Variants in PIP5K1B observed in about 807,000 individuals in gnomAD.
The protein encoded by PIP5K1B is phosphatidylinositol-4-phosphate 5-kinase type 1 beta.
Under a neutral mutation model 67.0 loss-of-function variants are expected in PIP5K1B, and 42 were observed. That is an observed-to-expected ratio of 0.63 (90% confidence interval 0.49 to 0.81). The LOEUF (loss-of-function observed/expected upper bound fraction) is 0.81, where lower values mean the gene tolerates loss of function less well. Among genes scored for constraint, PIP5K1B ranks in the 30% least tolerant of loss-of-function variants. PIP5K1B has a pLI of 0.00. For missense variants in PIP5K1B, 459 were observed against 646.3 expected (o/e 0.71, Z 3.14); for synonymous variants, 214 against 231.4 (o/e 0.92, Z 0.68).
intron 6 of PIP5K1B, among the ~76,000 whole-genome samples, chr9:68,878,011 T>TTGTGTGTG (rs1359052088): frequency 1.1e-5 from 1 of 90,714 alleles, no homozygotes; most frequent in Non-Finnish European, 2.5e-5. Context: ...CACGCATTTG[T>TTGTGTGTG]TCTGTGTGTG....
chr9:68,949,379 C>A (rs182606725), intron 14 of PIP5K1B, among the ~76,000 whole-genome samples: 2 of 152,306 alleles, frequency 1.3e-5, no homozygotes, highest in East Asian at 1.9e-4. Flanking sequence ...GAAATTCTTA[C>A]CCACACTAGG....
chr9:68,786,353 G>A lies in PIP5K1B; in HGVS notation c.-85-32108G>A, dbSNP rs184206054. On this transcript the variant is annotated intron_variant, in intron 2 of 15. Transcript: ENST00000265382. ...TAAAATCCTCATGACAACCCTGTGA[G>A]GCAGGTGCTATGGATTCCCATTGAA... Among the ~76,000 whole-genome samples the A allele has an allele frequency of 2.6e-5, 4 of 152,288 alleles. No homozygotes were observed. In the East Asian group the frequency reaches 5.8e-4, roughly 22 times the overall value.
intron 2 of PIP5K1B, among the ~76,000 whole-genome samples, chr9:68,795,150 T>TGAGA (rs143940186): frequency 8.0e-5 from 12 of 150,196 alleles, no homozygotes; most frequent in African/African-American, 2.9e-4. Context: ...TGTGTGTGTG[T>TGAGA]GAGAGAGAGA....
chr9:68,803,485 C>T (rs1832713283), intron 2 of PIP5K1B, among the ~76,000 whole-genome samples: 2 of 152,156 alleles, frequency 1.3e-5, no homozygotes, highest in Admixed American at 1.3e-4. Flanking sequence ...AAAAAGTGTT[C>T]AGAGAAGTGG....
At chr9:68,854,504 T>C (rs927033434) in intron 4 of PIP5K1B, among the ~76,000 whole-genome samples, 3 of 152,012 alleles carry the variant, frequency 2.0e-5, no homozygotes, top group Admixed American at 2.0e-4. Flanking sequence ...AGAAGAAAAA[T>C]CTAACCCCAG....
chr9:68,864,039 C>A, intron 5 of PIP5K1B, 72 bp downstream of exon 5: 4 of 1,417,244 alleles, frequency 2.8e-6, no homozygotes, highest in Non-Finnish European at 3.0e-6. Flanking sequence ...TATTGAAGGG[C>A]TTTTCTACTA....
chr9:68,745,662 C>A (rs933274073), intron 2 of PIP5K1B, among the ~76,000 whole-genome samples: 1 of 152,174 alleles, frequency 6.6e-6, no homozygotes, highest in Non-Finnish European at 1.5e-5. Flanking sequence ...CCTGAATCTT[C>A]CATCCAGGAA....
At chr9:68,904,844 C>T (rs1825532306) in intron 8 of PIP5K1B, among the ~76,000 whole-genome samples, 1 of 151,552 alleles carries the variant, frequency 6.6e-6, no homozygotes, top group African/African-American at 2.4e-5. Context: ...AAGGTAATTT[C>T]CTCGGCTCTA....
chr9:68,797,930 TA>T (rs997144477), intron 2 of PIP5K1B, among the ~76,000 whole-genome samples: 72 of 152,342 alleles, frequency 4.7e-4, no homozygotes, highest in African/African-American at 1.7e-3. Flanking sequence ...AGGTTTAGAC[TA>T]AATAGATACG....
intron 1 of PIP5K1B, among the ~76,000 whole-genome samples, chr9:68,714,791 A>G (rs964210527): frequency 6.6e-6 from 1 of 152,186 alleles, no homozygotes; most frequent in Non-Finnish European, 1.5e-5. Context: ...AAGGAACAGG[A>G]TGGAAACTCC....
chr9:68,998,085 G>A (rs566194337), intron 15 of PIP5K1B, among the ~76,000 whole-genome samples: 1 of 82,464 alleles, frequency 1.2e-5, no homozygotes, highest in African/African-American at 4.7e-5. Context: ...TTTTTTTTTT[G>A]TTTTTCAGAC....
At chr9:68,936,851 C>T (rs538647547) in intron 13 of PIP5K1B, among the ~76,000 whole-genome samples, 1 of 152,240 alleles carries the variant, frequency 6.6e-6, no homozygotes, top group South Asian at 2.1e-4. Flanking sequence ...ATAGCACATG[C>T]AAAACTGCAG....
chr9:68,955,557 G>C (rs183234850), intron 14 of PIP5K1B, among the ~76,000 whole-genome samples: 1 of 152,140 alleles, frequency 6.6e-6, no homozygotes, highest in Non-Finnish European at 1.5e-5. Flanking sequence ...CTCTCAGTGC[G>C]ATCTCTGGAA....
intron 2 of PIP5K1B, among the ~76,000 whole-genome samples, chr9:68,799,257 C>T (rs1832460604): frequency 1.3e-5 from 2 of 152,186 alleles, no homozygotes; most frequent in Non-Finnish European, 2.9e-5. Context: ...TACTGAAACT[C>T]TCTATCTGTA....
intron 2 of PIP5K1B, among the ~76,000 whole-genome samples, chr9:68,811,763 T>A (rs1017201545): frequency 6.6e-6 from 1 of 152,208 alleles, no homozygotes; most frequent in African/African-American, 2.4e-5. Flanking sequence ...GTATTAAATA[T>A]CCCCTCTTTA....
At chr9:68,709,150 A>G (rs1024168678) in intron 1 of PIP5K1B, among the ~76,000 whole-genome samples, 2 of 152,194 alleles carry the variant, frequency 1.3e-5, no homozygotes, top group Non-Finnish European at 2.9e-5. Flanking sequence ...ATTATTAGAG[A>G]GTTAGTACAT....
At chr9:68,795,426 G>A (rs562671124) in intron 2 of PIP5K1B, among the ~76,000 whole-genome samples, 18 of 152,226 alleles carry the variant, frequency 1.2e-4, no homozygotes, top group African/African-American at 3.4e-4. Flanking sequence ...ATGGAAACCC[G>A]AAGAATATAT....
intron 2 of PIP5K1B, among the ~76,000 whole-genome samples, chr9:68,787,048 C>T (rs1831665374): frequency 6.6e-6 from 1 of 152,220 alleles, no homozygotes; most frequent in African/African-American, 2.4e-5. Flanking sequence ...GGCTGCACTG[C>T]GGTTATGGGA....
intron 2 of PIP5K1B, among the ~76,000 whole-genome samples, chr9:68,749,378 G>A (rs893307693): frequency 6.6e-6 from 1 of 152,130 alleles, no homozygotes; most frequent in Non-Finnish European, 1.5e-5. Context: ...TGGAAGGGGC[G>A]AGGGACAGAG....
Sources: allele counts gnomAD v4.1 joint callset (sites outside exome capture counted in the v4.1 genomes callset), GRCh38; gene constraint gnomAD v4.1.1; transcripts MANE v1.5; gene names NCBI Gene and HGNC (gene_info 2026-07-23, HGNC 2026-07-21).